Variants in MMP26 observed in about 807,000 individuals in gnomAD.
MMP26 encodes the protein matrix metallopeptidase 26.
A neutral mutation model predicts 31.0 loss-of-function variants in MMP26; 33 were observed. The ratio of observed to expected loss-of-function variants is 1.06; its 90% CI spans 0.81 to 1.42. The LOEUF (loss-of-function observed/expected upper bound fraction) is 1.42. Ranked by LOEUF, MMP26 falls within the 40% of genes most tolerant of loss-of-function variation. The probability of loss-of-function intolerance (pLI) is 0.00; values close to 1 mark genes in which losing one functional copy is unlikely to be tolerated. For synonymous variants in MMP26, 122 were observed against 114.9 expected, an observed-to-expected ratio of 1.06 and a Z score of -0.40; for missense variants, 347 against 316.1, an observed-to-expected ratio of 1.10 and a Z score of -0.74.
chr11:4,769,093 A>G, intron 2 of MMP26: 9 of 1,589,928 alleles, frequency 5.7e-6, no homozygotes, highest in Non-Finnish European at 7.7e-6. Context: ...CCATCACTGA[A>G]TGGACTACTC....
intron 2 of MMP26, chr11:4,848,048 C>G: frequency 1.7e-6 from 1 of 598,284 alleles, no homozygotes; most frequent in Non-Finnish European, 2.9e-6. Context: ...GTGGGTGGAT[C>G]ATGTTCATTC....
intron 2 of MMP26, among the ~76,000 whole-genome samples, chr11:4,818,418 GT>G (rs1294864308): frequency 6.6e-6 from 1 of 151,670 alleles, no homozygotes. Context: ...TAAAGTTATA[GT>G]TCTCTAATCA....
intron 2 of MMP26, among the ~76,000 whole-genome samples, chr11:4,935,829 G>A (rs1254286928): frequency 6.6e-6 from 1 of 151,536 alleles, no homozygotes; most frequent in Non-Finnish European, 1.5e-5. Flanking sequence ...CATCTATTGA[G>A]ATAATCATGT....
At chr11:4,769,286 AT>A in intron 2 of MMP26, 2 of 1,613,588 alleles carry the variant, frequency 1.2e-6, no homozygotes, top group Non-Finnish European at 1.7e-6. Context: ...TGGTGTATCT[AT>A]TCCAGTGGTC....
In MMP26 at chr11:4,828,186, C is replaced by G. The variant is rs1564789537; in HGVS notation, c.-145+60845C>G. On this transcript the variant is annotated intron_variant, in intron 2 of 7. Coordinates refer to ENST00000380390, the MANE Select transcript of MMP26 (RefSeq NM_021801.5). The stretch of plus-strand genomic sequence containing the variant: ...GTATAAGAATAGGAATGTGAGGAAG[C>G]AGTGCTCCTCGTTTTTTGAAGCCAT... Among the ~76,000 whole-genome samples the G allele has an allele frequency of 2.0e-5, 3 of 152,264 alleles. No individual in the cohort carries two copies. In the East Asian group the frequency reaches 5.8e-4, roughly 29 times the overall value.
rs1848679869 is a variant in MMP26, at chr11:4,769,404, T to C, written c.-145+2063T>C. The C allele has an allele frequency of 2.5e-6, 4 of 1,614,008 alleles. No homozygotes were observed. The African/African-American group carries it at 4.0e-5, about 16-fold the overall frequency. On this transcript the variant is annotated intron_variant, in intron 2 of 7. Coordinates refer to ENST00000380390, the MANE Select transcript of MMP26 (RefSeq NM_021801.5). ...TAGGAGTGAGAAAGGGCATTCATTC[T>C]ACAGAAATAGAGAGGCTTAAGGAGC...
In MMP26 at chr11:4,953,769, C is replaced by T. The variant is rs999721710; in HGVS notation, c.-144-34299C>T. ...AGGGTCTCGGAATATGTTCTTCCTT[C>T]GGCTTGGCGTGTTGGCTCACGCCTG... On this transcript the variant is annotated intron_variant, in intron 2 of 7. Coordinates refer to ENST00000380390, the MANE Select transcript of MMP26 (RefSeq NM_021801.5). 2.4e-5 allele frequency among the ~76,000 whole-genome samples: 3 copies of T among 124,954 alleles called. 1 individual carries two copies. Among genetic ancestry groups the T allele is most frequent in the African/African-American group, 8.2e-5 (3 of 36,790 alleles). The allele number at this position is 124,954 out of a possible 152,430, so 82.0% of individuals were successfully genotyped here. A position where few individuals can be genotyped will look rare whatever the true frequency, so the allele number is the denominator to read the frequency against.
At chr11:4,854,507 G>T (rs949429967) in intron 2 of MMP26, among the ~76,000 whole-genome samples, 1 of 152,218 alleles carries the variant, frequency 6.6e-6, no homozygotes, top group Non-Finnish European at 1.5e-5. Context: ...CAGCAGCAAG[G>T]CCAGGGGAGG....
At chr11:4,947,313 A>G (rs888584136) in intron 2 of MMP26, among the ~76,000 whole-genome samples, 1 of 125,316 alleles carries the variant, frequency 8.0e-6, no homozygotes, top group African/African-American at 2.7e-5. Context: ...TACATTGGAA[A>G]AATTATTTCT....
chr11:4,821,203 G>T (rs992848573), intron 2 of MMP26: 1 of 590,768 alleles, frequency 1.7e-6, no homozygotes, highest in Admixed American at 3.3e-5. Context: ...ATGTGGCACA[G>T]TTCAGGGAAT....
chr11:4,992,093 C>T lies in MMP26; in HGVS notation c.725C>T (p.Ala242Val), dbSNP rs1333841971. 12 of 1,613,430 alleles carry T rather than the reference C, an allele frequency of 7.4e-6. No individual in the cohort carries two copies. The African/African-American group carries it at 1.2e-4, about 16-fold the overall frequency. The change falls in exon 7 of 8, where the codon GCC (alanine) becomes GTC (valine). Residue 242 changes from alanine (A) to valine (V), a missense_variant. Transcript: ENST00000380390. ...YHDPRTFQLSADDIQRIQHLY... is the reference protein window; with the variant it reads ...YHDPRTFQLSVDDIQRIQHLY... ...GACCCTAGAACCTTCCAGCTCAGTG[C>T]CGATGATATCCAAAGGATCCAGCAT...
chr11:4,848,854 C>T (rs1849926070), intron 2 of MMP26: 1 of 1,614,128 alleles, frequency 6.2e-7, no homozygotes, highest in East Asian at 2.2e-5. Context: ...ACAGAGGACT[C>T]CATGACAGAA....
intron 2 of MMP26, among the ~76,000 whole-genome samples, chr11:4,936,819 T>C (rs1217205261): frequency 6.6e-6 from 1 of 152,158 alleles, no homozygotes; most frequent in African/African-American, 2.4e-5. Flanking sequence ...AATAATGTAA[T>C]TGACTAGTAT....
At chr11:4,901,810 A>G (rs1014760188) in intron 2 of MMP26, among the ~76,000 whole-genome samples, 1 of 152,186 alleles carries the variant, frequency 6.6e-6, no homozygotes, top group Non-Finnish European at 1.5e-5. Context: ...CTTGCATTTC[A>G]TGCTCGTCTA....
In MMP26 at chr11:4,877,674, T is replaced by C. The variant is rs1850402055; in HGVS notation, c.-145+110333T>C. 4 of 152,316 alleles carry C rather than the reference T, an allele frequency of 2.6e-5. No individual in the cohort carries two copies. The South Asian group carries it at 8.3e-4, about 32-fold the overall frequency. The allele number at this position is 152,316 out of a possible 1,614,324, so 9.4% of individuals were successfully genotyped here. A position where few individuals can be genotyped will look rare whatever the true frequency, so the allele number is the denominator to read the frequency against. On this transcript the variant is annotated intron_variant, in intron 2 of 7. Transcript: ENST00000380390. ...TGCTTGAAATTTTGCTAGTGCAAGC[T>C]GAGGAACTGAATTTTAAATGTACTT... is the stretch of plus-strand genomic sequence containing the variant.
intron 2 of MMP26, among the ~76,000 whole-genome samples, chr11:4,892,213 A>G (rs1850635254): frequency 6.6e-6 from 1 of 152,142 alleles, no homozygotes. Context: ...CCTTCCAAAA[A>G]GGATAAAGCA....
chr11:4,765,263 C>A (rs557514019), intron 1 of MMP26, among the ~76,000 whole-genome samples: 7 of 152,288 alleles, frequency 4.6e-5, no homozygotes, highest in African/African-American at 1.4e-4. Context: ...AGGTATAGAA[C>A]TCTGCTGACA....
chr11:4,748,493 T>C (rs561104532), intron 1 of MMP26, among the ~76,000 whole-genome samples: 1 of 140,206 alleles, frequency 7.1e-6, no homozygotes, highest in South Asian at 2.2e-4. Context: ...CACATGAAAA[T>C]AAAACTACAG....
intron 2 of MMP26, chr11:4,924,013 C>A: frequency 1.2e-6 from 2 of 1,614,084 alleles, no homozygotes; most frequent in Non-Finnish European, 8.5e-7. Context: ...CCATTGAAGA[C>A]AAGGTGTGGA....
Sources: allele counts gnomAD v4.1 joint callset (sites outside exome capture counted in the v4.1 genomes callset), GRCh38; gene constraint gnomAD v4.1.1; transcripts MANE v1.5; gene names NCBI Gene and HGNC (gene_info 2026-07-23, HGNC 2026-07-21).